The following RBFOX3 variants were observed in gnomAD, a reference collection of about 807,000 sequenced individuals.
The protein encoded by RBFOX3 is RNA binding protein fox-1 homolog 3.
In RBFOX3, 17 loss-of-function variants were observed where a neutral mutation model predicts 48.7. The ratio of observed to expected loss-of-function variants is 0.35; its 90% confidence interval spans 0.24 to 0.52. The LOEUF (loss-of-function observed/expected upper bound fraction) is 0.52. Ranked by LOEUF, RBFOX3 falls within the 20% of genes least tolerant of loss-of-function variation. The probability of loss-of-function intolerance (pLI) is 0.94; values close to 1 mark genes in which losing one functional copy is unlikely to be tolerated. For synonymous variants in RBFOX3, 212 were observed against 209.5 expected, an observed-to-expected ratio of 1.01 and a Z score of -0.10; for missense variants, 382 against 497.5, an observed-to-expected ratio of 0.77 and a Z score of 2.21.
chr17:79,510,263 C>T (rs2083918360), intron 1 of RBFOX3, among the ~76,000 whole-genome samples: 1 of 152,160 alleles, frequency 6.6e-6, no homozygotes, highest in Non-Finnish European at 1.5e-5. Context: ...CCCCGGGACT[C>T]TCGGCTCCCT....
chr17:79,646,746 C>T, the RBFOX3 span, among the ~76,000 whole-genome samples: 4 of 152,148 alleles, frequency 2.6e-5, no homozygotes, highest in Non-Finnish European at 5.9e-5. Flanking sequence ...ATTTGCTACC[C>T]CCAACCCCAA....
At chr17:79,544,736 C>G (rs1378200190) in intron 1 of RBFOX3, among the ~76,000 whole-genome samples, 1 of 151,912 alleles carries the variant, frequency 6.6e-6, no homozygotes, top group African/African-American at 2.4e-5. Flanking sequence ...CTGGAGCCGC[C>G]TCCTCGAAGC....
intron 3 of RBFOX3, among the ~76,000 whole-genome samples, chr17:79,257,676 G>A (rs765392385): frequency 3.3e-5 from 5 of 152,168 alleles, no homozygotes; most frequent in Non-Finnish European, 7.3e-5. Flanking sequence ...CACCTCCTGT[G>A]TTCAAGCGAT....
At chr17:79,229,911 T>C (rs911341422) in intron 4 of RBFOX3, among the ~76,000 whole-genome samples, 1 of 152,200 alleles carries the variant, frequency 6.6e-6, no homozygotes, top group Non-Finnish European at 1.5e-5. Flanking sequence ...GTTGTACGGA[T>C]GACATGGGAC....
intron 2 of RBFOX3, among the ~76,000 whole-genome samples, chr17:79,366,675 G>A (rs2057797748): frequency 6.6e-6 from 1 of 152,206 alleles, no homozygotes; most frequent in Non-Finnish European, 1.5e-5. Context: ...CTCAACTAGA[G>A]GAGGATGAAT....
At chr17:79,096,569 G>T in intron 12 of RBFOX3, 84 bp downstream of exon 12, 1 of 1,194,296 alleles carries the variant, frequency 8.4e-7, no homozygotes, top group Non-Finnish European at 1.2e-6. Flanking sequence ...GGAGGAGCGG[G>T]CAGTGAGAGA....
intron 4 of RBFOX3, among the ~76,000 whole-genome samples, chr17:79,192,586 G>A (rs533357216): frequency 1.1e-4 from 17 of 152,116 alleles, no homozygotes; most frequent in Non-Finnish European, 1.9e-4. Flanking sequence ...TCTAGGGGTG[G>A]ACACGGGGGC....
chr17:79,559,378 G>C (rs1183317288), intron 1 of RBFOX3, among the ~76,000 whole-genome samples: 1 of 151,750 alleles, frequency 6.6e-6, no homozygotes, highest in African/African-American at 2.4e-5. Flanking sequence ...ATGGATGATT[G>C]GATGGATGGG....
chr17:79,462,234 C>A (rs1555749346), intron 2 of RBFOX3, among the ~76,000 whole-genome samples: 1 of 152,192 alleles, frequency 6.6e-6, no homozygotes, highest in East Asian at 1.9e-4. Context: ...TCATGAGATG[C>A]ATGAACGATG....
At chr17:79,637,995 T>C in the RBFOX3 span, among the ~76,000 whole-genome samples, 3 of 152,024 alleles carry the variant, frequency 2.0e-5, no homozygotes, top group East Asian at 3.9e-4. Flanking sequence ...TGAGCAACCA[T>C]TGGACAAAAG....
chr17:79,229,634 C>T (rs934075183), intron 4 of RBFOX3, among the ~76,000 whole-genome samples: 2 of 151,090 alleles, frequency 1.3e-5, no homozygotes, highest in African/African-American at 2.4e-5. Context: ...GCATCTCCCA[C>T]TGGTCAGAGA....
intron 2 of RBFOX3, among the ~76,000 whole-genome samples, chr17:79,398,766 C>T (rs1052219226): frequency 2.6e-5 from 4 of 152,168 alleles, no homozygotes; most frequent in African/African-American, 7.2e-5. Flanking sequence ...TGATGTTTAC[C>T]GGGGGCCAGT....
chr17:79,314,832 C>A (rs539099726), intron 2 of RBFOX3, among the ~76,000 whole-genome samples: 3 of 152,074 alleles, frequency 2.0e-5, no homozygotes, highest in Non-Finnish European at 4.4e-5. Context: ...ATGCTCAGAG[C>A]GGCCTCTGGG....
intron 4 of RBFOX3, among the ~76,000 whole-genome samples, chr17:79,177,317 T>C (rs1239050699): frequency 6.6e-6 from 1 of 152,226 alleles, no homozygotes; most frequent in Non-Finnish European, 1.5e-5. Flanking sequence ...ACGTGGGCTA[T>C]CTTGGCCTCC....
chr17:79,544,333 C>T (rs570613892), intron 1 of RBFOX3, among the ~76,000 whole-genome samples: 1 of 152,268 alleles, frequency 6.6e-6, no homozygotes, highest in South Asian at 2.1e-4. Context: ...GCACGTTGGG[C>T]ACTCGCTGTG....
At chr17:79,573,821 G>C (rs2092766958) in intron 1 of RBFOX3, among the ~76,000 whole-genome samples, 2 of 152,168 alleles carry the variant, frequency 1.3e-5, no homozygotes, top group African/African-American at 4.8e-5. Flanking sequence ...GGTGGGGGGA[G>C]GGTGCCTAAA....
chr17:79,118,643 C>A (rs1395191727), intron 4 of RBFOX3, among the ~76,000 whole-genome samples: 2 of 152,058 alleles, frequency 1.3e-5, no homozygotes, highest in Non-Finnish European at 2.9e-5. Flanking sequence ...GTCTTCCCAG[C>A]AACCCCCTCC....
At chr17:79,636,947 T>A in the RBFOX3 span, among the ~76,000 whole-genome samples, 1 of 152,152 alleles carries the variant, frequency 6.6e-6, no homozygotes, top group Non-Finnish European at 1.5e-5. Context: ...AGGATGCACA[T>A]AGACTGAAAG....
At chr17:79,578,367 G>A (rs1053016729) in intron 1 of RBFOX3, among the ~76,000 whole-genome samples, 1,684 of 152,364 alleles carry the variant, frequency 0.011, 31 homozygotes, top group African/African-American at 0.038. Flanking sequence ...AAACCAAACC[G>A]AGGCAGGGTG....
Sources: gnomAD v4.1 joint callset for allele counts (sites outside exome capture counted in the v4.1 genomes callset) on GRCh38, gnomAD v4.1.1 for gene constraint, MANE v1.5 for transcripts, NCBI Gene and HGNC (gene_info 2026-07-23, HGNC 2026-07-21) for gene names.